Variants in NECAB2 observed in about 807,000 individuals in gnomAD.
NECAB2 encodes the protein N-terminal EF-hand calcium-binding protein 2.
NECAB2 carries 68 observed loss-of-function variants against 51.9 expected under a neutral mutation model. The observed-to-expected ratio is 1.31, with a 90% CI of 1.08 to 1.60. NECAB2 has a LOEUF of 1.60. Among genes scored for constraint, NECAB2 ranks in the 40% most tolerant of loss-of-function variants. The probability of loss-of-function intolerance (pLI) is 0.00; values close to 1 mark genes in which losing one functional copy is unlikely to be tolerated. For missense variants in NECAB2, 854 were observed against 490.3 expected, an observed-to-expected ratio of 1.74 and a Z score of -7.00; for synonymous variants, 329 against 203.5, an observed-to-expected ratio of 1.62 and a Z score of -5.25.
At chr16:83,994,451 A>T (rs755408636) in intron 7 of NECAB2, 31 bp downstream of exon 7, 1 of 1,600,100 alleles carries the variant, frequency 6.2e-7, no homozygotes, top group Admixed American at 1.7e-5. Context: ...TGGTGGGGGT[A>T]CCAGCTGGGG....
chr16:83,988,944 G>T (rs2084588185), intron 5 of NECAB2, among the ~76,000 whole-genome samples: 1 of 152,170 alleles, frequency 6.6e-6, no homozygotes, highest in African/African-American at 2.4e-5. Flanking sequence ...AGTTGTGGAG[G>T]AGAAATCAGG....
chr16:83,983,281 G>T (rs1410546515), intron 5 of NECAB2, among the ~76,000 whole-genome samples: 4 of 152,188 alleles, frequency 2.6e-5, no homozygotes, highest in African/African-American at 7.2e-5. Flanking sequence ...CGCAGCATCA[G>T]TTATTAAGAG....
chr16:83,992,211 T>A (rs112145540), intron 6 of NECAB2, among the ~76,000 whole-genome samples: 151 of 151,864 alleles, frequency 9.9e-4, no homozygotes, highest in African/African-American at 3.5e-3. Flanking sequence ...GAGTGTTTCT[T>A]TCTGGTCTTG....
intron 9 of NECAB2, among the ~76,000 whole-genome samples, 189 bp from the exon 10 acceptor site, chr16:83,997,995 TTTGGGGGCTACTTCTGCACTG>T (rs1371647742): frequency 6.6e-6 from 1 of 152,176 alleles, no homozygotes; most frequent in African/African-American, 2.4e-5. Context: ...TTTCCCCATT[TTTGGGGGCTACTTCTGCACTG>T]GGCTCTTGAG....
chr16:83,974,041 C>G (rs989308611), intron 2 of NECAB2, among the ~76,000 whole-genome samples: 1 of 149,520 alleles, frequency 6.7e-6, no homozygotes, highest in Non-Finnish European at 1.5e-5. Context: ...TGTGTCCACC[C>G]CCTGAGCACA....
intron 3 of NECAB2, among the ~76,000 whole-genome samples, chr16:83,979,054 C>G (rs1288136778): frequency 1.3e-5 from 2 of 152,204 alleles, no homozygotes; most frequent in Non-Finnish European, 2.9e-5. Flanking sequence ...TAACCCTGAC[C>G]TGCATCTCAG....
intron 8 of NECAB2, among the ~76,000 whole-genome samples, chr16:83,995,635 TC>T (rs1173567059): frequency 1.3e-5 from 2 of 152,160 alleles, no homozygotes; most frequent in African/African-American, 4.8e-5. Context: ...GTTTTATGTT[TC>T]TCCTACTTTT....
At chr16:83,994,887 C>A (rs60980845) in intron 8 of NECAB2, among the ~76,000 whole-genome samples, 199 bp downstream of exon 8, 1 of 152,066 alleles carries the variant, frequency 6.6e-6, no homozygotes, top group African/African-American at 2.4e-5. Flanking sequence ...TGTTCAGGCC[C>A]AAGGAGGGGC....
At chr16:83,972,611 C>A (rs2084361555) in intron 2 of NECAB2, among the ~76,000 whole-genome samples, 1 of 152,240 alleles carries the variant, frequency 6.6e-6, no homozygotes, top group Non-Finnish European at 1.5e-5. Flanking sequence ...GCAGTCAGTG[C>A]TCTTGCCTCT....
At position 84,001,806 on chromosome 16, in the gene NECAB2, A is replaced by T; in HGVS notation, c.1041-19A>T. 1 of 1,613,510 alleles carries T rather than the reference A, an allele frequency of 6.2e-7. No homozygotes were observed. The highest frequency in any genetic ancestry group is 8.5e-7 in the Non-Finnish European group (1 of 1,179,584). Reference sequence around the variant, plus strand: ...TCCACTCCTGCCACCCCTGACTCACACATGTCCCTGCGTCACAGGCACCTG... The same window carrying T: ...TCCACTCCTGCCACCCCTGACTCACTCATGTCCCTGCGTCACAGGCACCTG... On this transcript the variant is annotated intron_variant, in intron 11 of 12. Coordinates refer to ENST00000305202, the MANE Select transcript of NECAB2 (RefSeq NM_019065.3).
chr16:83,995,420 C>T (rs948382244), intron 8 of NECAB2, among the ~76,000 whole-genome samples: 2 of 152,116 alleles, frequency 1.3e-5, no homozygotes, highest in Admixed American at 6.5e-5. Context: ...GGGACCCCTC[C>T]CTCATAGGGG....
chr16:83,997,310 A>G, intron 9 of NECAB2, 41 bp downstream of exon 9: 2 of 1,612,974 alleles, frequency 1.2e-6, no homozygotes, highest in Non-Finnish European at 8.5e-7. Flanking sequence ...CCACATCCCT[A>G]CCCATGCCAG....
At chr16:84,001,729 G>A (rs35654559) in intron 11 of NECAB2, 96 bp from the exon 12 acceptor site, 102,657 of 1,338,240 alleles carry the variant, frequency 0.077, 5,758 homozygotes, top group African/African-American at 0.3. Flanking sequence ...TTATTGATAA[G>A]CTCCCCATTT....
intron 3 of NECAB2, among the ~76,000 whole-genome samples, chr16:83,980,307 TG>T (rs1404640067): frequency 3.9e-5 from 6 of 152,116 alleles, no homozygotes; most frequent in Non-Finnish European, 8.8e-5. Flanking sequence ...TTCACTGCCA[TG>T]GGGGATAGGC....
chr16:83,989,869 TC>T (rs1210354938), intron 5 of NECAB2, among the ~76,000 whole-genome samples: 1 of 152,036 alleles, frequency 6.6e-6, no homozygotes, highest in African/African-American at 2.4e-5. Context: ...CTCTCTGATT[TC>T]CCCCCAGGCT....
At chr16:83,995,663 C>G (rs890983330) in intron 8 of NECAB2, among the ~76,000 whole-genome samples, 4 of 152,114 alleles carry the variant, frequency 2.6e-5, no homozygotes, top group Non-Finnish European at 4.4e-5. Context: ...TTTTTTTACA[C>G]CCTTTGTAAA....
intron 5 of NECAB2, among the ~76,000 whole-genome samples, chr16:83,984,599 A>G (rs1315806997): frequency 1.3e-5 from 2 of 151,960 alleles, no homozygotes; most frequent in Admixed American, 6.6e-5. Context: ...GCATGGTGGG[A>G]TGTGTCTGTA....
intron 12 of NECAB2, 110 bp downstream of exon 12, chr16:84,002,026 C>T (rs1430052313): frequency 4.0e-6 from 5 of 1,243,854 alleles, no homozygotes; most frequent in East Asian, 5.1e-5. Flanking sequence ...TGTGGGCCCA[C>T]TGTCAGCTCC....
At chr16:84,002,024 C>T (rs2151105036) in intron 12 of NECAB2, 108 bp downstream of exon 12, 2 of 1,281,296 alleles carry the variant, frequency 1.6e-6, no homozygotes, top group South Asian at 2.6e-5. Flanking sequence ...GCTGTGGGCC[C>T]ACTGTCAGCT....
Sources: allele counts gnomAD v4.1 joint callset (sites outside exome capture counted in the v4.1 genomes callset), GRCh38; gene constraint gnomAD v4.1.1; transcripts MANE v1.5; gene names NCBI Gene and HGNC (gene_info 2026-07-23, HGNC 2026-07-21).